Variants in ADGRE1 observed in about 807,000 individuals in gnomAD.
ADGRE1 encodes EGF-like module receptor 1.
ADGRE1 carries 82 observed loss-of-function variants against 102.7 expected under a neutral mutation model. The ratio of observed to expected loss-of-function variants is 0.80; its 90% CI spans 0.67 to 0.96. ADGRE1 has a LOEUF of 0.96. Among genes scored for constraint, ADGRE1 ranks in the 40% least tolerant of loss-of-function variants. ADGRE1 has a pLI of 0.00. For synonymous variants in ADGRE1, 398 were observed against 399.6 expected (o/e 1.00, Z 0.05); for missense variants, 1,032 against 1,085.3 (o/e 0.95, Z 0.69).
intron 17 of ADGRE1, among the ~76,000 whole-genome samples, chr19:6,930,601 T>C (rs1470266079): frequency 2.6e-5 from 4 of 152,134 alleles, no homozygotes; most frequent in African/African-American, 4.8e-5. Context: ...AATCCAATTA[T>C]GTTCTTCTGG....
chr19:6,916,200 G>A (rs751739526), intron 11 of ADGRE1, 49 bp from the exon 12 acceptor site: 2 of 1,583,786 alleles, frequency 1.3e-6, no homozygotes, highest in Non-Finnish European at 1.7e-6. Context: ...CCAAATTCAG[G>A]ACTGACTTTC....
At chr19:6,937,474 C>T (rs932328073) in intron 19 of ADGRE1, 63 bp downstream of exon 19, 2 of 1,593,010 alleles carry the variant, frequency 1.3e-6, no homozygotes, top group Non-Finnish European at 1.7e-6. Context: ...TTCCCCACCG[C>T]ATCCCTCCAC....
chr19:6,899,611 C>T (rs1005170774), intron 5 of ADGRE1, among the ~76,000 whole-genome samples: 7 of 150,056 alleles, frequency 4.7e-5, no homozygotes, highest in Admixed American at 6.6e-5. Context: ...ACCTGGGAGG[C>T]GGAGGTTGGA....
intron 2 of ADGRE1, chr19:6,894,858 G>C (rs750029532): frequency 3.3e-5 from 5 of 152,154 alleles, no homozygotes; most frequent in Non-Finnish European, 5.9e-5. Context: ...TGGGAAGGGG[G>C]ATCAACAGGG....
At chr19:6,934,195 G>A (rs1172821449) in intron 17 of ADGRE1, among the ~76,000 whole-genome samples, 1 of 152,124 alleles carries the variant, frequency 6.6e-6, no homozygotes, top group African/African-American at 2.4e-5. Flanking sequence ...GCACGGATGG[G>A]CAAGCTGTAG....
intron 5 of ADGRE1, among the ~76,000 whole-genome samples, chr19:6,901,058 C>T (rs1973747837): frequency 6.6e-6 from 1 of 152,224 alleles, no homozygotes; most frequent in African/African-American, 2.4e-5. Context: ...TGGATCACCC[C>T]ACTCTGTCCA....
At chr19:6,916,439 G>A in intron 12 of ADGRE1, 71 bp downstream of exon 12, 3 of 1,537,430 alleles carry the variant, frequency 2.0e-6, no homozygotes, top group East Asian at 4.6e-5. Context: ...TCCCTTTCTA[G>A]GTGCCAAGAC....
chr19:6,912,224 A>T (rs915590326), intron 10 of ADGRE1, among the ~76,000 whole-genome samples: 1 of 151,950 alleles, frequency 6.6e-6, no homozygotes, highest in Non-Finnish European at 1.5e-5. Context: ...ACACACACCC[A>T]CATATATAAG....
chr19:6,930,904 G>A (rs929538692), intron 17 of ADGRE1, among the ~76,000 whole-genome samples: 4 of 152,250 alleles, frequency 2.6e-5, no homozygotes, highest in Middle Eastern at 3.4e-3. Flanking sequence ...CTCCCAAAGT[G>A]CTGGGATTAC....
chr19:6,927,319 C>CCCTTCTTT (rs1008259440), intron 16 of ADGRE1, among the ~76,000 whole-genome samples: 1 of 67,814 alleles, frequency 1.5e-5, no homozygotes, highest in Non-Finnish European at 2.9e-5. Flanking sequence ...CTTCCTCCCT[C>CCCTTCTTT]CCTTCTTTCC....
intron 10 of ADGRE1, among the ~76,000 whole-genome samples, chr19:6,910,546 C>T (rs950671567): frequency 6.8e-6 from 1 of 146,568 alleles, no homozygotes; most frequent in Admixed American, 6.8e-5. Flanking sequence ...GTTAGCTTCT[C>T]TAATGTGTCA....
At chr19:6,920,244 T>A (rs796611051) in intron 13 of ADGRE1, among the ~76,000 whole-genome samples, 37 of 147,936 alleles carry the variant, frequency 2.5e-4, no homozygotes, top group African/African-American at 3.5e-4. Context: ...TTTTTTTTTT[T>A]AGTCTCACTC....
intron 6 of ADGRE1, among the ~76,000 whole-genome samples, chr19:6,902,674 C>T (rs1247939495): frequency 6.6e-6 from 1 of 152,094 alleles, no homozygotes; most frequent in East Asian, 1.9e-4. Flanking sequence ...CTCCTGACCC[C>T]AGGTAATCTG....
At position 6,904,165 on chromosome 19, in the gene ADGRE1, G is replaced by A; in HGVS notation, c.932G>A (p.Gly311Asp). 1 of 1,614,042 alleles carries A rather than the reference G, an allele frequency of 6.2e-7. No homozygotes were observed. The highest frequency in any genetic ancestry group is 1.3e-5 in the African/African-American group (1 of 75,044). The change falls in exon 8 of 21, where the codon GGC becomes GAC. Residue 311 changes from glycine (G) to aspartate (D), a missense_variant. Transcript: ENST00000312053. ...AATCCAGAAGGCTCCCAGAAAGATG[G>A]CAACTTCAGCTGCCAAAGTAATAAT... ...HPNPEGSQKD[G>D]NFSCQRVLFK...
chr19:6,903,708 C>A, intron 6 of ADGRE1, 102 bp from the exon 7 acceptor site: 1 of 1,477,534 alleles, frequency 6.8e-7, no homozygotes, highest in East Asian at 2.3e-5. Flanking sequence ...CTGGCTGGGA[C>A]ACCATTTTCT....
intron 8 of ADGRE1, among the ~76,000 whole-genome samples, chr19:6,905,473 C>T (rs1179689135): frequency 6.6e-6 from 1 of 151,974 alleles, no homozygotes; most frequent in East Asian, 1.9e-4. Context: ...CTGCCTCAGC[C>T]TGCCGAGTAG....
rs970063838 is a variant in ADGRE1, at chr19:6,902,036, C to T, written c.661+15C>T. On this transcript the variant is annotated intron_variant, in intron 6 of 20. Coordinates refer to ENST00000312053, the MANE Select transcript of ADGRE1 (RefSeq NM_001974.5). ...ATCGTGTGAAGGTAGGTGGGGGTGT[C>T]TTCTGAGAAGTCAGGTCCAAGTCTG... 6.2e-7 allele frequency: 1 copy of T among 1,613,950 alleles called. No homozygotes were observed. The highest frequency in any genetic ancestry group is 8.5e-7 in the Non-Finnish European group (1 of 1,179,912).
intron 5 of ADGRE1, 100 bp from the exon 6 acceptor site, chr19:6,901,775 G>C: frequency 8.1e-7 from 1 of 1,239,132 alleles, no homozygotes. Flanking sequence ...CATCAGCCCT[G>C]TCTGCTGAAA....
At chr19:6,919,446 GTGTGT>G in intron 12 of ADGRE1, 97 bp from the exon 13 acceptor site, 1 of 219,914 alleles carries the variant, frequency 4.5e-6, no homozygotes, top group Non-Finnish European at 9.1e-6. Context: ...CTCCCTCTGT[GTGTGT>G]GTGTGTGTGT....
Sources: allele counts gnomAD v4.1 joint callset (sites outside exome capture counted in the v4.1 genomes callset), GRCh38; gene constraint gnomAD v4.1.1; transcripts MANE v1.5; gene names NCBI Gene and HGNC (gene_info 2026-07-23, HGNC 2026-07-21).